The following MTA3 variants were observed in gnomAD, a reference collection of about 807,000 sequenced individuals.
MTA3 encodes the protein metastasis associated 1 family member 3, also known as metastasis-associated protein MTA3.
In MTA3, 34 loss-of-function variants were observed where a neutral mutation model predicts 83.5. The observed-to-expected ratio is 0.41, with a 90% CI of 0.31 to 0.54. MTA3 has a LOEUF of 0.54. MTA3 is among the 20% of genes least tolerant of loss of function. The pLI, the probability that MTA3 is intolerant of heterozygous loss-of-function variation, is 0.33. For missense variants in MTA3, 761 were observed against 726.4 expected, an observed-to-expected ratio of 1.05 and a Z score of -0.55; for synonymous variants, 303 against 252.7, an observed-to-expected ratio of 1.20 and a Z score of -1.89.
intron 6 of MTA3, among the ~76,000 whole-genome samples, chr2:42,644,864 C>T (rs1411424614): frequency 1.3e-5 from 2 of 152,072 alleles, no homozygotes; most frequent in African/African-American, 4.8e-5. Flanking sequence ...ACTGACTGTC[C>T]CTTCCCTGCC....
intron 2 of MTA3, among the ~76,000 whole-genome samples, chr2:42,574,606 T>A (rs904014589): frequency 6.6e-6 from 1 of 151,762 alleles, no homozygotes; most frequent in African/African-American, 2.4e-5. Flanking sequence ...CCAGCTAATT[T>A]TTTTGTATTT....
intron 3 of MTA3, among the ~76,000 whole-genome samples, chr2:42,608,793 A>G (rs1683819568): frequency 6.6e-6 from 1 of 152,196 alleles, no homozygotes; most frequent in Non-Finnish European, 1.5e-5. Context: ...CTAAGGCACA[A>G]GAATTGCTTG....
intron 2 of MTA3, among the ~76,000 whole-genome samples, chr2:42,554,349 CT>C (rs1677278087): frequency 6.6e-6 from 1 of 152,212 alleles, no homozygotes; most frequent in Non-Finnish European, 1.5e-5. Flanking sequence ...GTAACCTAGA[CT>C]ATGGTGCTCG....
At chr2:42,578,397 G>A (rs1679276623) in intron 2 of MTA3, among the ~76,000 whole-genome samples, 1 of 152,132 alleles carries the variant, frequency 6.6e-6, no homozygotes, top group Non-Finnish European at 1.5e-5. Flanking sequence ...ACTGAATATT[G>A]TTTGCATTGT....
chr2:42,553,087 G>A (rs1017472709), intron 2 of MTA3, among the ~76,000 whole-genome samples: 15 of 151,978 alleles, frequency 9.9e-5, no homozygotes, highest in Non-Finnish European at 4.4e-5. Flanking sequence ...GATCAGCCTG[G>A]GCAACATAGG....
chr2:42,555,455 CAAAAAAAAA>C (rs146740409), intron 2 of MTA3, among the ~76,000 whole-genome samples: 4 of 54,350 alleles, frequency 7.4e-5, no homozygotes, highest in African/African-American at 2.5e-4. Flanking sequence ...AACTCCATCT[CAAAAAAAAA>C]AAAAAAAAAA....
intron 2 of MTA3, among the ~76,000 whole-genome samples, chr2:42,536,715 C>A (rs572186989): frequency 6.6e-6 from 1 of 151,448 alleles, no homozygotes; most frequent in South Asian, 2.1e-4. Flanking sequence ...AAAAATTAGC[C>A]GGGCGTGGTA....
intron 2 of MTA3, among the ~76,000 whole-genome samples, chr2:42,546,051 G>A (rs535940607): frequency 6.6e-6 from 1 of 152,152 alleles, no homozygotes; most frequent in African/African-American, 2.4e-5. Context: ...ACTCCTGAAA[G>A]GGCAATTGGC....
intron 2 of MTA3, among the ~76,000 whole-genome samples, chr2:42,498,191 A>G (rs1450059749): frequency 2.0e-5 from 3 of 152,202 alleles, no homozygotes; most frequent in South Asian, 4.1e-4. Context: ...TTGCATTTAC[A>G]TCAGTTTATT....
intron 4 of MTA3, among the ~76,000 whole-genome samples, chr2:42,637,666 T>C (rs1573417226): frequency 6.6e-6 from 1 of 152,196 alleles, no homozygotes; most frequent in Non-Finnish European, 1.5e-5. Context: ...AGATTTTCAT[T>C]TTTAATTTGG....
At chr2:42,595,102 C>T (rs1158498752) in intron 3 of MTA3, among the ~76,000 whole-genome samples, 1 of 82,462 alleles carries the variant, frequency 1.2e-5, no homozygotes, top group African/African-American at 5.2e-5. Context: ...TAAACAGGAG[C>T]TTCATTTTTT....
intron 16 of MTA3, 41 bp downstream of exon 16, chr2:42,723,076 T>G (rs1379214235): frequency 2.7e-5 from 42 of 1,543,954 alleles, no homozygotes; most frequent in Non-Finnish European, 3.6e-5. Context: ...TCTGATAGAG[T>G]GCCTTCACAC....
intron 8 of MTA3, among the ~76,000 whole-genome samples, chr2:42,663,254 C>G (rs1689903387): frequency 6.6e-6 from 1 of 152,132 alleles, no homozygotes; most frequent in Non-Finnish European, 1.5e-5. Context: ...GGCAGCTGGG[C>G]TGACTTGCCT....
intron 4 of MTA3, among the ~76,000 whole-genome samples, chr2:42,632,209 C>G (rs1473200533): frequency 6.6e-6 from 1 of 151,428 alleles, no homozygotes; most frequent in Non-Finnish European, 1.5e-5. Flanking sequence ...CCTGCCTCAG[C>G]CTCCCAAGTA....
At chr2:42,673,984 T>C (rs1456388481) in intron 8 of MTA3, among the ~76,000 whole-genome samples, 1 of 152,196 alleles carries the variant, frequency 6.6e-6, no homozygotes, top group East Asian at 1.9e-4. Flanking sequence ...ACAACAAGCA[T>C]TGATTTCTGA....
At chr2:42,655,531 G>C (rs1428829557) in intron 6 of MTA3, among the ~76,000 whole-genome samples, 1 of 152,094 alleles carries the variant, frequency 6.6e-6, no homozygotes, top group African/African-American at 2.4e-5. Flanking sequence ...GTTAATATGT[G>C]TCTCTTATTC....
At chr2:42,564,124 C>G (rs1219593676), upstream of MTA3, among the ~76,000 whole-genome samples, 1 of 152,070 alleles carries the variant, frequency 6.6e-6, no homozygotes, top group African/African-American at 2.4e-5. Flanking sequence ...CCTGGCCAAC[C>G]ATTTCTTATT....
chr2:42,507,575 A>T (rs1294683005), intron 2 of MTA3, among the ~76,000 whole-genome samples: 1 of 152,082 alleles, frequency 6.6e-6, no homozygotes, highest in Non-Finnish European at 1.5e-5. Flanking sequence ...GTTGGTTATT[A>T]TAAACCTTTC....
chr2:42,552,925 G>A (rs1003083463), intron 2 of MTA3, among the ~76,000 whole-genome samples: 6 of 151,396 alleles, frequency 4.0e-5, no homozygotes, highest in African/African-American at 1.5e-4. Flanking sequence ...CCTCCAGCCT[G>A]GGCGACACCG....
Sources: allele counts gnomAD v4.1 joint callset (sites outside exome capture counted in the v4.1 genomes callset), GRCh38; gene constraint gnomAD v4.1.1; transcripts MANE v1.5; gene names NCBI Gene and HGNC (gene_info 2026-07-23, HGNC 2026-07-21).